The following C8orf34 variants were observed in gnomAD, a reference collection of about 807,000 sequenced individuals.
C8orf34 encodes chromosome 8 open reading frame 34, also known as uncharacterized protein C8orf34.
Under a neutral mutation model 68.3 loss-of-function variants are expected in C8orf34, and 65 were observed. That is an observed-to-expected ratio of 0.95 (90% CI 0.78 to 1.17). The LOEUF (loss-of-function observed/expected upper bound fraction) is 1.17, where lower values mean the gene tolerates loss of function less well. Ranked by LOEUF, C8orf34 falls within the 50% of genes most tolerant of loss-of-function variation. C8orf34 has a pLI of 0.00. For missense variants in C8orf34, 664 were observed against 655.4 expected, an observed-to-expected ratio of 1.01 and a Z score of -0.14; for synonymous variants, 244 against 241.2, an observed-to-expected ratio of 1.01 and a Z score of -0.11.
chr8:68,408,323 T>C (rs2129621887), intron 1 of C8orf34, among the ~76,000 whole-genome samples: 1 of 151,466 alleles, frequency 6.6e-6, no homozygotes, highest in African/African-American at 2.4e-5. Context: ...TTGTATTATA[T>C]ATTATAATGT....
At chr8:68,574,554 C>G (rs1816848301) in intron 7 of C8orf34, among the ~76,000 whole-genome samples, 2 of 152,024 alleles carry the variant, frequency 1.3e-5, no homozygotes, top group Non-Finnish European at 2.9e-5. Flanking sequence ...ATAGACAATA[C>G]TTCTTATAGA....
At chr8:68,698,975 C>G (rs891152789) in intron 8 of C8orf34, among the ~76,000 whole-genome samples, 3 of 152,016 alleles carry the variant, frequency 2.0e-5, no homozygotes, top group South Asian at 4.1e-4. Context: ...AGGCCTCCTT[C>G]CATAGCTATA....
intron 7 of C8orf34, among the ~76,000 whole-genome samples, chr8:68,603,906 G>T (rs1167483207): frequency 3.3e-5 from 5 of 152,024 alleles, no homozygotes; most frequent in East Asian, 1.9e-4. Flanking sequence ...AATATCCATG[G>T]TCTAAAATTT....
chr8:68,419,589 CAAT>C (rs1809851464), intron 1 of C8orf34, among the ~76,000 whole-genome samples: 1 of 151,406 alleles, frequency 6.6e-6, no homozygotes, highest in Non-Finnish European at 1.5e-5. Context: ...AAATGTCCAA[CAAT>C]GATAGACTGG....
intron 5 of C8orf34, among the ~76,000 whole-genome samples, chr8:68,505,903 A>C (rs1234021932): frequency 6.6e-6 from 1 of 152,196 alleles, no homozygotes; most frequent in African/African-American, 2.4e-5. Flanking sequence ...TTTACTTTCA[A>C]AAGTTGTTAT....
intron 1 of C8orf34, among the ~76,000 whole-genome samples, chr8:68,340,971 G>T (rs1806046220): frequency 6.6e-6 from 1 of 152,156 alleles, no homozygotes; most frequent in Non-Finnish European, 1.5e-5. Flanking sequence ...ACCAAGTCAG[G>T]TTTCTTACAG....
At chr8:68,633,474 C>G (rs1818750548) in intron 7 of C8orf34, among the ~76,000 whole-genome samples, 1 of 152,172 alleles carries the variant, frequency 6.6e-6, no homozygotes, top group Non-Finnish European at 1.5e-5. Flanking sequence ...AGTTCAATTT[C>G]AAAGCATCAA....
chr8:68,732,356 G>C (rs2129526901), intron 10 of C8orf34, among the ~76,000 whole-genome samples: 1 of 152,014 alleles, frequency 6.6e-6, no homozygotes, highest in African/African-American at 2.4e-5. Flanking sequence ...CCTTGAAGTT[G>C]GATTTCCTGG....
At chr8:68,549,504 T>G (rs1450425723) in intron 7 of C8orf34, among the ~76,000 whole-genome samples, 1 of 151,782 alleles carries the variant, frequency 6.6e-6, no homozygotes, top group African/African-American at 2.4e-5. Context: ...GATACATACA[T>G]TTACCAAAAC....
intron 1 of C8orf34, among the ~76,000 whole-genome samples, chr8:68,401,708 T>C (rs547832270): frequency 1.2e-3 from 176 of 152,230 alleles, no homozygotes; most frequent in African/African-American, 3.7e-3. Context: ...TATTGATTCA[T>C]GTATGTGGAA....
intron 7 of C8orf34, among the ~76,000 whole-genome samples, chr8:68,617,495 C>G (rs1818259879): frequency 6.6e-6 from 1 of 152,142 alleles, no homozygotes. Flanking sequence ...GACAAAATCT[C>G]TCAGCATTTG....
At position 68,446,341 on chromosome 8, in the gene C8orf34, C is replaced by T; in HGVS notation, c.488C>T (p.Thr163Ile). 6.3e-7 allele frequency: 1 copy of T among 1,596,998 alleles called. No individual in the cohort carries two copies. The highest frequency in any genetic ancestry group is 8.5e-7 in the Non-Finnish European group (1 of 1,175,298). ...TTTGTTTTAACAGAATCCAAAGGAACAAGAAGGGATTTCAGAAGCTATGAT... is the reference window on the plus strand; with the variant it reads ...TTTGTTTTAACAGAATCCAAAGGAATAAGAAGGGATTTCAGAAGCTATGAT... ...AESEKSESKGTRRDFRSYDKP... is the reference protein window; with the variant it reads ...AESEKSESKGIRRDFRSYDKP... Residue 163 changes from threonine (T) to isoleucine (I), a missense_variant, in exon 3 of 14, where the codon ACA (threonine) becomes ATA (isoleucine). Coordinates refer to ENST00000518698, the MANE Select transcript of C8orf34 (RefSeq NM_052958.4).
chr8:68,790,750 A>G, intron 12 of C8orf34: 1 of 597,868 alleles, frequency 1.7e-6, no homozygotes. Context: ...AAACAAATCA[A>G]ATTCCAAATA....
intron 5 of C8orf34, among the ~76,000 whole-genome samples, chr8:68,506,115 T>TACACACACACACACATGCACATGC (rs1814011165): frequency 6.6e-6 from 1 of 150,726 alleles, no homozygotes; most frequent in Non-Finnish European, 1.5e-5. Flanking sequence ...TACACACACA[T>TACACACACACACACATGCACATGC]ACACACACAC....
At chr8:68,680,086 G>A (rs1042832418) in intron 8 of C8orf34, among the ~76,000 whole-genome samples, 2 of 152,072 alleles carry the variant, frequency 1.3e-5, no homozygotes, top group African/African-American at 4.8e-5. Flanking sequence ...ATCACATCAA[G>A]TTAAAAACCT....
intron 7 of C8orf34, among the ~76,000 whole-genome samples, chr8:68,611,414 G>T (rs1244605960): frequency 6.6e-6 from 1 of 152,104 alleles, no homozygotes; most frequent in African/African-American, 2.4e-5. Context: ...AAAATACTTT[G>T]ATTTCAAGAG....
intron 10 of C8orf34, among the ~76,000 whole-genome samples, chr8:68,750,240 T>G (rs886149446): frequency 3.3e-5 from 5 of 152,046 alleles, no homozygotes; most frequent in African/African-American, 1.2e-4. Context: ...AACTAATGAA[T>G]GGATAAACTA....
At chr8:68,525,729 T>C in intron 6 of C8orf34, 1 of 639,722 alleles carries the variant, frequency 1.6e-6, no homozygotes, top group South Asian at 1.4e-5. Context: ...TTCACAACAA[T>C]CTTCCCAGCT....
chr8:68,465,953 A>AT (rs1812109869), intron 3 of C8orf34, among the ~76,000 whole-genome samples: 1 of 122,760 alleles, frequency 8.1e-6, no homozygotes, highest in African/African-American at 3.5e-5. Context: ...AAGTATAATA[A>AT]AATAAAATAA....
Sources: allele counts gnomAD v4.1 joint callset (sites outside exome capture counted in the v4.1 genomes callset), GRCh38; gene constraint gnomAD v4.1.1; transcripts MANE v1.5; gene names NCBI Gene and HGNC (gene_info 2026-07-23, HGNC 2026-07-21).